FARS2: variants seen among roughly 807,000 people sequenced by gnomAD.
The protein encoded by FARS2 is phenylalanine--tRNA ligase, mitochondrial.
A neutral mutation model predicts 46.4 loss-of-function variants in FARS2; 40 were observed. The observed-to-expected ratio is 0.86, with a 90% CI of 0.67 to 1.12. FARS2 has a LOEUF of 1.12. Among genes scored for constraint, FARS2 ranks in the 50% most tolerant of loss-of-function variants. The pLI is 0.00. For missense variants in FARS2, 513 were observed against 567.9 expected, an observed-to-expected ratio of 0.90 and a Z score of 0.98; for synonymous variants, 234 against 214.9, an observed-to-expected ratio of 1.09 and a Z score of -0.78.
At chr6:5,495,620 C>G (rs1044551582) in intron 4 of FARS2, among the ~76,000 whole-genome samples, 3 of 152,180 alleles carry the variant, frequency 2.0e-5, no homozygotes, top group Non-Finnish European at 4.4e-5. Context: ...TTTAAGCCTT[C>G]GGGTTTTCTG....
intron 6 of FARS2, among the ~76,000 whole-genome samples, chr6:5,768,932 T>C (rs1336996018): frequency 6.6e-6 from 1 of 152,250 alleles, no homozygotes; most frequent in Non-Finnish European, 1.5e-5. Flanking sequence ...TGTTCCTTTT[T>C]GACTTTCTTG....
At chr6:5,331,250 T>G (rs1005439882) in intron 1 of FARS2, among the ~76,000 whole-genome samples, 2 of 152,192 alleles carry the variant, frequency 1.3e-5, no homozygotes, top group Non-Finnish European at 2.9e-5. Context: ...ATCATGGCCT[T>G]TTTCATTTTA....
intron 5 of FARS2, among the ~76,000 whole-genome samples, chr6:5,601,476 A>G (rs947176193): frequency 4.9e-5 from 7 of 142,586 alleles, no homozygotes; most frequent in African/African-American, 1.9e-4. Context: ...GTGAGCCAAG[A>G]TCACACCATT....
intron 2 of FARS2, among the ~76,000 whole-genome samples, chr6:5,381,370 AACACACACAC>A (rs3057175): frequency 3.8e-5 from 5 of 132,904 alleles, no homozygotes; most frequent in African/African-American, 1.3e-4. Flanking sequence ...ACTCCCCAGA[AACACACACAC>A]ACACACACAC....
intron 6 of FARS2, among the ~76,000 whole-genome samples, chr6:5,693,516 A>T (rs1260238736): frequency 6.6e-6 from 1 of 152,236 alleles, no homozygotes; most frequent in Non-Finnish European, 1.5e-5. Flanking sequence ...GGAATCATTT[A>T]TCCTTAGCAG....
intron 3 of FARS2, among the ~76,000 whole-genome samples, chr6:5,428,344 G>A (rs1038402358): frequency 2.0e-5 from 3 of 152,056 alleles, no homozygotes; most frequent in African/African-American, 7.2e-5. Context: ...AAGTAAACTT[G>A]TGTAGCACTT....
intron 4 of FARS2, among the ~76,000 whole-genome samples, chr6:5,466,136 C>T (rs536172676): frequency 1.3e-5 from 2 of 152,304 alleles, no homozygotes; most frequent in South Asian, 4.1e-4. Flanking sequence ...AATGCTCCTT[C>T]TCTCTTTGCC....
chr6:5,563,351 CAAG>C, intron 5 of FARS2, among the ~76,000 whole-genome samples: 1 of 152,270 alleles, frequency 6.6e-6, no homozygotes, highest in East Asian at 1.9e-4. Flanking sequence ...GGGGAAAGGA[CAAG>C]AAGGCTGAGG....
intron 2 of FARS2, among the ~76,000 whole-genome samples, chr6:5,399,972 G>T (rs571693944): frequency 6.6e-6 from 1 of 152,178 alleles, no homozygotes; most frequent in Non-Finnish European, 1.5e-5. Context: ...TATTTTCAGG[G>T]TAAGTAGTTA....
intron 1 of FARS2, among the ~76,000 whole-genome samples, chr6:5,317,130 C>T (rs1429105409): frequency 6.6e-6 from 1 of 152,166 alleles, no homozygotes; most frequent in Non-Finnish European, 1.5e-5. Context: ...AAGAATACTG[C>T]AGGAAATTTT....
At chr6:5,307,029 A>G (rs1289899900) in intron 1 of FARS2, among the ~76,000 whole-genome samples, 1 of 152,174 alleles carries the variant, frequency 6.6e-6, no homozygotes, top group Admixed American at 6.5e-5. Context: ...TTTTTCTTTC[A>G]TTCTTTTTTA....
chr6:5,610,901 C>T (rs758860554), intron 5 of FARS2, among the ~76,000 whole-genome samples: 2 of 152,190 alleles, frequency 1.3e-5, no homozygotes, highest in African/African-American at 2.4e-5. Flanking sequence ...TGTGTCCCAC[C>T]GACGTGGTAT....
At chr6:5,497,709 A>G (rs1767554892) in intron 4 of FARS2, among the ~76,000 whole-genome samples, 1 of 152,106 alleles carries the variant, frequency 6.6e-6, no homozygotes, top group Non-Finnish European at 1.5e-5. Context: ...TTTCCTCAAT[A>G]TTGTTCTGAC....
chr6:5,353,548 A>C (rs1286921049), intron 1 of FARS2, among the ~76,000 whole-genome samples: 3 of 152,064 alleles, frequency 2.0e-5, no homozygotes. Context: ...CTTTCTCTGC[A>C]TCCTTGCCAG....
intron 2 of FARS2, among the ~76,000 whole-genome samples, chr6:5,378,992 C>G (rs1056313405): frequency 6.6e-6 from 1 of 152,148 alleles, no homozygotes; most frequent in African/African-American, 2.4e-5. Flanking sequence ...TAGTCTTTGG[C>G]TACGACAAGA....
intron 4 of FARS2, among the ~76,000 whole-genome samples, chr6:5,444,737 C>T (rs1381355147): frequency 6.6e-6 from 1 of 151,916 alleles, no homozygotes; most frequent in Non-Finnish European, 1.5e-5. Context: ...CTCCTCATCC[C>T]AATGTTCGTT....
chr6:5,387,517 A>C (rs1581954493), intron 2 of FARS2, among the ~76,000 whole-genome samples: 2 of 152,362 alleles, frequency 1.3e-5, no homozygotes, highest in Non-Finnish European at 1.5e-5. Context: ...GGAGGGATAG[A>C]CATTTTAACA....
intron 6 of FARS2, among the ~76,000 whole-genome samples, chr6:5,700,605 C>T (rs1296876748): frequency 6.6e-6 from 1 of 152,096 alleles, no homozygotes; most frequent in African/African-American, 2.4e-5. Context: ...ACCATGTTGG[C>T]CAGGCTGGTC....
At chr6:5,408,704 A>AGAAG (rs929327645) in intron 3 of FARS2, among the ~76,000 whole-genome samples, 1 of 152,218 alleles carries the variant, frequency 6.6e-6, no homozygotes, top group Admixed American at 6.5e-5. Flanking sequence ...AACAAACGGA[A>AGAAG]GAAGGAAGGA....
Sources: allele counts gnomAD v4.1 joint callset (sites outside exome capture counted in the v4.1 genomes callset), GRCh38; gene constraint gnomAD v4.1.1; transcripts MANE v1.5; gene names NCBI Gene and HGNC (gene_info 2026-07-23, HGNC 2026-07-21).